Variants in CDH18 observed in about 807,000 individuals in gnomAD.
The protein encoded by CDH18 is cadherin-18.
Under a neutral mutation model 67.9 loss-of-function variants are expected in CDH18, and 31 were observed. The ratio of observed to expected loss-of-function variants is 0.46; its 90% CI spans 0.34 to 0.62. The LOEUF (loss-of-function observed/expected upper bound fraction) is 0.62, where lower values mean the gene tolerates loss of function less well. Among genes scored for constraint, CDH18 ranks in the 20% least tolerant of loss-of-function variants. The probability of loss-of-function intolerance (pLI) is 0.01; values close to 1 mark genes in which losing one functional copy is unlikely to be tolerated. For synonymous variants in CDH18, 362 were observed against 347.2 expected (o/e 1.04, Z -0.48); for missense variants, 890 against 975.5 (o/e 0.91, Z 1.17).
intron 1 of CDH18, among the ~76,000 whole-genome samples, chr5:19,982,487 C>T (rs1054063428): frequency 3.3e-5 from 5 of 151,946 alleles, no homozygotes; most frequent in Admixed American, 1.3e-4. Flanking sequence ...AATTGCCATA[C>T]ATTTATCATT....
intron 2 of CDH18, among the ~76,000 whole-genome samples, chr5:20,226,570 A>G (rs865837156): frequency 4.1e-4 from 63 of 152,126 alleles, no homozygotes; most frequent in South Asian, 6.2e-4. Context: ...ACTTTAAAAC[A>G]TGAAAATATT....
At position 20,417,678 on chromosome 5, in the gene CDH18, G is replaced by A. The variant is rs16887524; in HGVS notation, c.-580+157784C>T. Among the ~76,000 whole-genome samples the A allele has an allele frequency of 7.1e-3, 1,078 of 152,256 alleles. 8 individuals are homozygous for A. Among genetic ancestry groups the A allele is most frequent in the African/African-American group, 0.025 (1,019 of 41,560 alleles). On this transcript the variant is annotated intron_variant, in intron 1 of 14. Coordinates refer to the CDH18 transcript ENST00000507958. ...AAATTGAAGACAGTTAGAGAAGACA[G>A]CTAAGCACTGCTTCCTTTACTCTTC...
chr5:19,605,818 G>A (rs987909993), intron 6 of CDH18, among the ~76,000 whole-genome samples: 1 of 152,078 alleles, frequency 6.6e-6, no homozygotes, highest in African/African-American at 2.4e-5. Flanking sequence ...GTAGCTTTTG[G>A]AGACAGGTTG....
intron 2 of CDH18, among the ~76,000 whole-genome samples, chr5:20,023,492 T>C (rs904237294): frequency 5.3e-5 from 8 of 151,822 alleles, no homozygotes; most frequent in African/African-American, 1.9e-4. Context: ...ACCCCGTCTC[T>C]ACTAAAAATA....
At position 19,591,087 on chromosome 5, in the gene CDH18, C is replaced by T; in HGVS notation, c.969G>A (p.Glu323=). ...MGIFSISTDK[E]TREGILSLKK... Reference sequence around the variant, plus strand: ...TTAAAGAAAGGATTCCTTCTCTGGTCTCTTTGTCAGTGGAGATTGAGAATA... The same window carrying T: ...TTAAAGAAAGGATTCCTTCTCTGGTTTCTTTGTCAGTGGAGATTGAGAATA... Residue 323 remains glutamate, a synonymous_variant, in exon 7 of 13, where the codon GAG becomes GAA. Coordinates refer to ENST00000382275, the MANE Select transcript of CDH18 (RefSeq NM_004934.5). 1 of 1,604,974 alleles carries T rather than the reference C, an allele frequency of 6.2e-7. No homozygotes were observed.
intron 1 of CDH18, among the ~76,000 whole-genome samples, 174 bp from the exon 2 acceptor site, chr5:19,981,352 C>T (rs1180053902): frequency 6.6e-6 from 1 of 152,178 alleles, no homozygotes; most frequent in East Asian, 1.9e-4. Context: ...ATTATCACCT[C>T]CTGTATGCTA....
chr5:20,197,329 G>A lies in CDH18; in HGVS notation c.-518+58115C>T, dbSNP rs1911823. 1.8e-3 allele frequency among the ~76,000 whole-genome samples: 270 copies of A among 152,216 alleles called. 1 individual carries two copies. The highest frequency in any genetic ancestry group is 6.3e-3 in the African/African-American group (262 of 41,536). On this transcript the variant is annotated intron_variant, in intron 2 of 14. Transcript: ENST00000507958. ...CAGAGCCTCTCATTTTTCTGGTATT[G>A]CATTTCCTCTTTATAGCTAGAATTT...
chr5:19,725,805 A>G (rs886273871), intron 4 of CDH18, among the ~76,000 whole-genome samples: 2 of 152,142 alleles, frequency 1.3e-5, no homozygotes, highest in East Asian at 1.9e-4. Flanking sequence ...CTTTGATCTG[A>G]TAAGAGGAGT....
intron 3 of CDH18, among the ~76,000 whole-genome samples, chr5:19,763,707 A>C (rs1251807357): frequency 1.3e-5 from 2 of 152,144 alleles, no homozygotes; most frequent in Admixed American, 6.5e-5. Context: ...CACTAAAATA[A>C]GAATAGGTGA....
intron 2 of CDH18, among the ~76,000 whole-genome samples, chr5:20,216,092 T>A (rs751702454): frequency 1.3e-5 from 2 of 151,868 alleles, no homozygotes; most frequent in Non-Finnish European, 2.9e-5. Context: ...TTTGACAATA[T>A]AACAAGCTTG....
intron 7 of CDH18, among the ~76,000 whole-genome samples, chr5:19,587,769 T>C (rs1744422488): frequency 6.6e-6 from 1 of 152,060 alleles, no homozygotes; most frequent in South Asian, 2.1e-4. Flanking sequence ...GCCTTGGCTC[T>C]TCAGGTTTTT....
intron 1 of CDH18, among the ~76,000 whole-genome samples, chr5:20,498,939 TAGA>T (rs140681564): frequency 0.025 from 3,813 of 152,218 alleles, 149 homozygotes; most frequent in African/African-American, 0.087. Context: ...TATCTGGTTA[TAGA>T]AGCTTTTGTA....
intron 1 of CDH18, among the ~76,000 whole-genome samples, chr5:20,444,166 C>G (rs116658772): frequency 6.6e-6 from 1 of 152,212 alleles, no homozygotes; most frequent in East Asian, 1.9e-4. Flanking sequence ...GAGTTCCTAT[C>G]CAATATTACA....
chr5:20,432,375 TGA>T (rs1387842658), intron 1 of CDH18, among the ~76,000 whole-genome samples: 1 of 152,172 alleles, frequency 6.6e-6, no homozygotes, highest in Non-Finnish European at 1.5e-5. Flanking sequence ...GTAAAGGGTT[TGA>T]GCTCAGAACA....
chr5:20,311,673 T>G (rs566255952), intron 1 of CDH18, among the ~76,000 whole-genome samples: 12 of 152,206 alleles, frequency 7.9e-5, no homozygotes, highest in African/African-American at 2.4e-4. Context: ...AGGGATAGCA[T>G]TAGGAGAAAT....
At chr5:19,910,224 T>C (rs944434829) in intron 2 of CDH18, among the ~76,000 whole-genome samples, 4 of 152,206 alleles carry the variant, frequency 2.6e-5, no homozygotes, top group Non-Finnish European at 5.9e-5. Context: ...ATACAATATA[T>C]TATGATATAT....
At chr5:20,502,050 C>T (rs964313366) in intron 1 of CDH18, among the ~76,000 whole-genome samples, 11 of 152,080 alleles carry the variant, frequency 7.2e-5, no homozygotes, top group South Asian at 2.1e-4. Context: ...TCTTTTAGGA[C>T]GAGCTGCTCT....
intron 1 of CDH18, among the ~76,000 whole-genome samples, chr5:20,384,640 A>G (rs891768241): frequency 6.6e-6 from 1 of 152,062 alleles, no homozygotes; most frequent in East Asian, 1.9e-4. Context: ...TTTATTCTCA[A>G]TTTTTTTGAT....
At chr5:19,528,904 C>T (rs1391393853) in intron 9 of CDH18, among the ~76,000 whole-genome samples, 1 of 151,760 alleles carries the variant, frequency 6.6e-6, no homozygotes, top group Admixed American at 6.6e-5. Context: ...GTGCGTATAT[C>T]CCATTATTTT....
Sources: gnomAD v4.1 joint callset for allele counts (sites outside exome capture counted in the v4.1 genomes callset) on GRCh38, gnomAD v4.1.1 for gene constraint, MANE v1.5 for transcripts, NCBI Gene and HGNC (gene_info 2026-07-23, HGNC 2026-07-21) for gene names.